PGAP1: variants seen among roughly 807,000 people sequenced by gnomAD.
PGAP1 encodes GPI inositol-deacylase.
PGAP1 carries 76 observed loss-of-function variants against 127.0 expected under a neutral mutation model. The observed-to-expected ratio is 0.60, with a 90% confidence interval of 0.50 to 0.72. PGAP1 has a LOEUF of 0.72. Ranked by LOEUF, PGAP1 falls within the 30% of genes least tolerant of loss-of-function variation. The pLI, the probability that PGAP1 is intolerant of heterozygous loss-of-function variation, is 0.00. For synonymous variants in PGAP1, 362 were observed against 366.5 expected, an observed-to-expected ratio of 0.99 and a Z score of 0.14; for missense variants, 982 against 1,071.3, an observed-to-expected ratio of 0.92 and a Z score of 1.16.
chr2:196,863,768 G>A (rs1217368161), intron 20 of PGAP1, among the ~76,000 whole-genome samples: 4 of 152,098 alleles, frequency 2.6e-5, no homozygotes, highest in South Asian at 2.1e-4. Flanking sequence ...TAGCAAAGAC[G>A]GGGTTTCACC....
In PGAP1 at chr2:196,872,494, T is replaced by G. The variant is rs1701438859; in HGVS notation, c.1675A>C (p.Asn559His). The G allele has an allele frequency of 6.2e-7, 1 of 1,613,554 alleles. No individual in the cohort carries two copies. The change falls in exon 18 of 27, where the codon AAT (asparagine) becomes CAT (histidine). Residue 559 changes from asparagine to histidine, a missense_variant. Coordinates refer to ENST00000354764, the MANE Select transcript of PGAP1 (RefSeq NM_024989.4). ...LKLHIAQPEN[N>H]THVALFKMYT... Reference sequence around the variant, plus strand: ...ATTTTAAATAATGCCACATGGGTATTGTTTTCTGGTTGAGCAATATGGAGT... The same window carrying G: ...ATTTTAAATAATGCCACATGGGTATGGTTTTCTGGTTGAGCAATATGGAGT...
At chr2:196,912,789 C>A (rs1702873838) in intron 4 of PGAP1, 93 bp downstream of exon 4, 1 of 1,202,278 alleles carries the variant, frequency 8.3e-7, no homozygotes, top group Non-Finnish European at 1.1e-6. Context: ...ATGGATAAAT[C>A]TGTAGCATAC....
At chr2:196,922,859 A>ATT (rs560941460) in intron 1 of PGAP1, among the ~76,000 whole-genome samples, 6,330 of 146,000 alleles carry the variant, frequency 0.043, 208 homozygotes, top group Non-Finnish European at 0.066. Flanking sequence ...AATTTTTTGA[A>ATT]TTTTTTTTTT....
At chr2:196,872,005 TA>T (rs1701424276) in intron 18 of PGAP1, among the ~76,000 whole-genome samples, 1 of 152,034 alleles carries the variant, frequency 6.6e-6, no homozygotes, top group Non-Finnish European at 1.5e-5. Flanking sequence ...TCACACATTT[TA>T]ATGACTAGCA....
chr2:196,899,768 T>A (rs1023520569), intron 5 of PGAP1, among the ~76,000 whole-genome samples: 13 of 152,238 alleles, frequency 8.5e-5, no homozygotes, highest in African/African-American at 2.9e-4. Context: ...GCGTAGTGGC[T>A]CACGCCTGTA....
At chr2:196,848,061 T>C (rs1700609978) in intron 20 of PGAP1, 24 bp from the exon 21 acceptor site, 4 of 1,524,830 alleles carry the variant, frequency 2.6e-6, no homozygotes, top group Middle Eastern at 3.5e-4. Flanking sequence ...AAAAGTTACA[T>C]GCAATTTACA....
rs540875277 is a variant in PGAP1, at chr2:196,837,401, G to A, written c.*3833C>T. 14 of 152,380 alleles carry A rather than the reference G, an allele frequency of 9.2e-5. No homozygotes were observed. In the East Asian group the frequency reaches 2.7e-3, roughly 29 times the overall value. 9.4% of individuals were successfully genotyped at this position (152,380 alleles called of 1,614,324 possible). On this transcript the variant is annotated 3_prime_UTR_variant, in exon 27 of 27. Coordinates refer to ENST00000354764, the MANE Select transcript of PGAP1 (RefSeq NM_024989.4). ...CCACTACTTTGGGAGGCCGAGGTGG[G>A]AGGATCGCTTGAAACCAGGAGTTCA...
At chr2:196,858,236 C>T (rs1444293904) in intron 20 of PGAP1, among the ~76,000 whole-genome samples, 1 of 148,134 alleles carries the variant, frequency 6.8e-6, no homozygotes, top group East Asian at 1.9e-4. Flanking sequence ...CCTGTCTCTA[C>T]TAAAAATACA....
In PGAP1 at chr2:196,902,622, G is replaced by T; in HGVS notation, c.770C>A (p.Pro257Gln). 1.2e-6 allele frequency: 2 copies of T among 1,613,068 alleles called. No homozygotes were observed. ...GGCACTGGTATGATGGCTTAATTTT[G>T]GTAGAAAAGTCAATCCTGAACGAAC... ...YQVRSGLTFL[P>Q]KLSHHTSALS... The change falls in exon 5 of 27, where the codon CCA (proline) becomes CAA (glutamine). Residue 257 changes from proline to glutamine, a missense_variant. By Grantham distance (76) the Pro-to-Gln change is moderately conservative (BLOSUM62 -1). Transcript: ENST00000354764.
Position 196,905,216 on chromosome 2 carries a change from C to T in PGAP1, c.650-2474G>A, listed in dbSNP as rs12052882. ...TTGAGTCATTCTAATTTAATCTATA[C>T]GGGTCATCTACATACACCACACAGA... On this transcript the variant is annotated intron_variant, in intron 4 of 26. Coordinates refer to ENST00000354764, the MANE Select transcript of PGAP1 (RefSeq NM_024989.4). 1.1e-3 allele frequency among the ~76,000 whole-genome samples: 167 copies of T among 152,182 alleles called. No individual in the cohort carries two copies. In the East Asian group the frequency reaches 0.019, roughly 17 times the overall value.
chr2:196,926,540 C>A lies in PGAP1; in HGVS notation c.77G>T (p.Trp26Leu), dbSNP rs1340391839. ...CTCCTCGAAGCCGAAGAAGACATCCCACAGCCCCAGGGTTGCCAGAAAGAC... is the reference window on the plus strand; with the variant it reads ...CTCCTCGAAGCCGAAGAAGACATCCAACAGCCCCAGGGTTGCCAGAAAGAC... ...FMVFLATLGL[W>L]DVFFGFEENK... The change falls in exon 1 of 27, where the codon TGG (tryptophan) becomes TTG (leucine). Residue 26 changes from tryptophan to leucine, a missense_variant. Trp to Leu is a moderately conservative substitution (Grantham distance 61). Coordinates refer to ENST00000354764, the MANE Select transcript of PGAP1 (RefSeq NM_024989.4). 3.7e-6 allele frequency: 6 copies of A among 1,614,178 alleles called. No homozygotes were observed. The highest frequency in any genetic ancestry group is 1.7e-6 in the Non-Finnish European group (2 of 1,180,022).
chr2:196,870,171 C>T (rs978703056), intron 19 of PGAP1, among the ~76,000 whole-genome samples: 3 of 152,152 alleles, frequency 2.0e-5, no homozygotes, highest in Non-Finnish European at 4.4e-5. Context: ...TTACCTTTTA[C>T]AAACTGAGCA....
intron 3 of PGAP1, 43 bp downstream of exon 3, chr2:196,916,365 TAAAAAGGTGC>T: frequency 7.0e-7 from 1 of 1,432,284 alleles, no homozygotes; most frequent in Admixed American, 2.4e-5. Context: ...ATCCCTTTTT[TAAAAAGGTGC>T]CGATAGGTTG....
chr2:196,844,036 G>T lies in PGAP1; in HGVS notation c.2377C>A (p.His793Asn). 6.3e-7 allele frequency: 1 copy of T among 1,597,254 alleles called. No individual in the cohort carries two copies. The highest frequency in any genetic ancestry group is 8.5e-7 in the Non-Finnish European group (1 of 1,169,766). ...HSRRSEKKSNHHKDSSIHHLR... is the reference protein window; with the variant it reads ...HSRRSEKKSNNHKDSSIHHLR... Reference sequence around the variant, plus strand: ...TGGTGTATTGAGGAGTCTTTATGATGATTGGATTTCTTTTCACTTCTTCTA... The same window carrying T: ...TGGTGTATTGAGGAGTCTTTATGATTATTGGATTTCTTTTCACTTCTTCTA... The change falls in exon 25 of 27, where the codon CAT becomes AAT. Residue 793 changes from histidine (H) to asparagine (N), a missense_variant. His to Asn is a moderately conservative substitution (Grantham distance 68). Transcript: ENST00000354764.
intron 12 of PGAP1, among the ~76,000 whole-genome samples, chr2:196,881,389 T>C (rs1019753173): frequency 4.7e-4 from 72 of 152,334 alleles, no homozygotes; most frequent in African/African-American, 1.7e-3. Context: ...CACCCAGTAA[T>C]GGGATTACTA....
chr2:196,873,751 A>C lies in PGAP1; in HGVS notation c.1434T>G (p.Ser478=). 1 of 1,608,464 alleles carries C rather than the reference A, an allele frequency of 6.2e-7. No homozygotes were observed. The highest frequency in any genetic ancestry group is 1.3e-5 in the African/African-American group (1 of 74,932). The change falls in exon 15 of 27, where the codon TCT becomes TCG. Residue 478 remains serine, a synonymous_variant. Transcript: ENST00000354764. ...PVTHLFSFGL[S]SRKVVLNTNG... ...TTGTATTTAACACCACTTTCCTTGA[A>C]GACAATCCTGTTGAATTCAAAGTAC...
rs1700333589 is a variant in PGAP1 at position 196,839,220 on chromosome 2, A to T, written c.*2014T>A. 6.6e-6 allele frequency: 1 copy of T among 152,654 alleles called. No individual in the cohort carries two copies. Among genetic ancestry groups the T allele is most frequent in the Non-Finnish European group, 1.5e-5 (1 of 68,030 alleles). 9.5% of individuals were successfully genotyped at this position (152,654 alleles called of 1,614,324 possible). The stretch of plus-strand genomic sequence containing the variant: ...ATGAATTTTCTAAAGTTCTTTCTGT[A>T]TATGGAACTAAGTCCAAATTCAGAA... On this transcript the variant is annotated 3_prime_UTR_variant, in exon 27 of 27. Coordinates refer to ENST00000354764, the MANE Select transcript of PGAP1 (RefSeq NM_024989.4).
At chr2:196,895,518 A>T (rs761338267) in intron 7 of PGAP1, among the ~76,000 whole-genome samples, 2 of 152,228 alleles carry the variant, frequency 1.3e-5, no homozygotes, top group Non-Finnish European at 2.9e-5. Flanking sequence ...ACAAACCAAA[A>T]AATGTTTGTG....
At chr2:196,922,638 T>C in intron 1 of PGAP1, 65 of 358,674 alleles carry the variant, frequency 1.8e-4, no homozygotes, top group East Asian at 3.6e-4. Context: ...GAGAGAGACA[T>C]CCTTTAAAAT....
Sources: allele counts gnomAD v4.1 joint callset (sites outside exome capture counted in the v4.1 genomes callset), GRCh38; gene constraint gnomAD v4.1.1; transcripts MANE v1.5; gene names NCBI Gene and HGNC (gene_info 2026-07-23, HGNC 2026-07-21).